TRPM3: variants seen among roughly 807,000 people sequenced by gnomAD.
TRPM3 encodes the protein long transient receptor potential channel 3.
A neutral mutation model predicts 181.2 loss-of-function variants in TRPM3; 77 were observed. The observed-to-expected ratio is 0.42, with a 90% CI of 0.35 to 0.51. TRPM3 has a LOEUF of 0.51. TRPM3 is among the 20% of genes least tolerant of loss of function. TRPM3 has a pLI of 0.01. For synonymous variants in TRPM3, 745 were observed against 796.4 expected (o/e 0.94, Z 1.09); for missense variants, 1,759 against 2,196.7 (o/e 0.80, Z 3.98).
chr9:70,628,564 G>C lies in TRPM3; in HGVS notation c.1633-3047C>G, dbSNP rs563443978. 3.9e-5 allele frequency among the ~76,000 whole-genome samples: 6 copies of C among 152,242 alleles called. No homozygotes were observed. In the South Asian group the frequency reaches 1.2e-3, roughly 32 times the overall value. On this transcript the variant is annotated intron_variant, in intron 12 of 25. Transcript: ENST00000677713. ...AAATTTTAAGTGTGGGCTCACACCT[G>C]TAATCCTAGCACTTTGGGAGGCCAA...
chr9:70,900,299 C>T (rs1262760042), intron 1 of TRPM3, among the ~76,000 whole-genome samples: 3 of 151,992 alleles, frequency 2.0e-5, no homozygotes, highest in East Asian at 3.9e-4. Flanking sequence ...CAAGATCACG[C>T]CACTGCACTT....
At chr9:71,387,221 C>T (rs949911014) in intron 1 of TRPM3, among the ~76,000 whole-genome samples, 6 of 152,266 alleles carry the variant, frequency 3.9e-5, no homozygotes, top group Admixed American at 2.6e-4. Flanking sequence ...AAGAAGCTTC[C>T]TCAACAGCCT....
At chr9:70,909,642 A>G (rs145608155) in intron 1 of TRPM3, among the ~76,000 whole-genome samples, 83 of 152,304 alleles carry the variant, frequency 5.4e-4, no homozygotes, top group African/African-American at 1.9e-3. Flanking sequence ...TAAATTGGGT[A>G]CAATATACAA....
At chr9:70,827,769 G>T in intron 6 of TRPM3, 78 bp downstream of exon 6, 1 of 1,502,576 alleles carries the variant, frequency 6.7e-7, no homozygotes, top group Non-Finnish European at 9.1e-7. Context: ...TTATTACATT[G>T]CTGCATGGTG....
At chr9:71,199,606 G>A (rs991794983) in intron 1 of TRPM3, among the ~76,000 whole-genome samples, 4 of 152,202 alleles carry the variant, frequency 2.6e-5, no homozygotes, top group African/African-American at 4.8e-5. Context: ...TCTTGGGAGA[G>A]TGTATGTGTC....
intron 22 of TRPM3, among the ~76,000 whole-genome samples, chr9:70,555,144 A>C (rs564373405): frequency 4.6e-5 from 7 of 152,320 alleles, no homozygotes; most frequent in Admixed American, 6.5e-5. Context: ...ATTTTGAGCC[A>C]TGCTGCTGCT....
intron 1 of TRPM3, among the ~76,000 whole-genome samples, chr9:71,004,258 T>C (rs2097649621): frequency 1.3e-5 from 2 of 152,168 alleles, no homozygotes; most frequent in Non-Finnish European, 2.9e-5. Flanking sequence ...CCCACAAAGC[T>C]CAGGTGCTCC....
intron 22 of TRPM3, among the ~76,000 whole-genome samples, chr9:70,590,207 A>G (rs1713504287): frequency 6.6e-6 from 1 of 152,146 alleles, no homozygotes; most frequent in Non-Finnish European, 1.5e-5. Flanking sequence ...CTTCCCAAAA[A>G]ATTTCCCAAT....
chr9:70,648,272 T>C (rs1345841742), intron 9 of TRPM3, among the ~76,000 whole-genome samples: 1 of 152,098 alleles, frequency 6.6e-6, no homozygotes, highest in Admixed American at 6.5e-5. Flanking sequence ...CCCAGGAGTT[T>C]GAGACCAGCC....
At chr9:71,234,689 T>A (rs7860940) in intron 1 of TRPM3, among the ~76,000 whole-genome samples, 107,038 of 151,980 alleles carry the variant, frequency 0.7, 37,984 homozygotes, top group African/African-American at 0.78. Context: ...ATTTTAACTT[T>A]ATTACCTCTT....
intron 22 of TRPM3, among the ~76,000 whole-genome samples, chr9:70,582,181 C>CGTGTGT (rs3073501): frequency 0.064 from 9,572 of 149,200 alleles, 363 homozygotes; most frequent in Non-Finnish European, 0.081. Flanking sequence ...CCACCCTGTG[C>CGTGTGT]GTGTGTGTGT....
chr9:71,217,633 AG>A (rs1485109134), intron 1 of TRPM3, among the ~76,000 whole-genome samples: 1 of 152,236 alleles, frequency 6.6e-6, no homozygotes, highest in Non-Finnish European at 1.5e-5. Context: ...TGCCATCTAC[AG>A]GTTTAAAGCC....
At chr9:71,163,649 G>A (rs576120288) in intron 1 of TRPM3, among the ~76,000 whole-genome samples, 18 of 152,206 alleles carry the variant, frequency 1.2e-4, no homozygotes, top group Middle Eastern at 6.8e-3. Context: ...ATCAGTGTGG[G>A]TACATTAGTG....
intron 19 of TRPM3, among the ~76,000 whole-genome samples, chr9:70,605,311 C>T (rs1229395874): frequency 6.6e-6 from 1 of 152,166 alleles, no homozygotes; most frequent in African/African-American, 2.4e-5. Context: ...CACACTGACA[C>T]ATTTGCAGAC....
intron 6 of TRPM3, among the ~76,000 whole-genome samples, chr9:70,806,070 TG>T (rs1446876560): frequency 6.6e-6 from 1 of 152,182 alleles, no homozygotes; most frequent in African/African-American, 2.4e-5. Flanking sequence ...CAGCAGGAAT[TG>T]CCCAGTACCC....
chr9:71,319,700 G>A (rs1355837163), intron 1 of TRPM3, among the ~76,000 whole-genome samples: 1 of 151,994 alleles, frequency 6.6e-6, no homozygotes, highest in Non-Finnish European at 1.5e-5. Flanking sequence ...TGCTTTACAA[G>A]ATAACATTAT....
chr9:70,972,952 A>G (rs2097261832), intron 1 of TRPM3, among the ~76,000 whole-genome samples: 1 of 152,174 alleles, frequency 6.6e-6, no homozygotes. Flanking sequence ...TACATAAGAC[A>G]CACCTTATTA....
chr9:71,185,053 G>T (rs998240643), intron 1 of TRPM3, among the ~76,000 whole-genome samples: 5 of 152,088 alleles, frequency 3.3e-5, no homozygotes, highest in African/African-American at 9.7e-5. Flanking sequence ...GCACGCACAT[G>T]CATTGATGAG....
chr9:70,546,432 T>TTCAG (rs1268355540), intron 25 of TRPM3, among the ~76,000 whole-genome samples: 1 of 152,084 alleles, frequency 6.6e-6, no homozygotes, highest in African/African-American at 2.4e-5. Context: ...AACCACTGGG[T>TTCAG]TGGATGTTTC....
Sources: allele counts gnomAD v4.1 joint callset (sites outside exome capture counted in the v4.1 genomes callset), GRCh38; gene constraint gnomAD v4.1.1; transcripts MANE v1.5; gene names NCBI Gene and HGNC (gene_info 2026-07-23, HGNC 2026-07-21).